The following VWC2 variants were observed in gnomAD, a reference collection of about 807,000 sequenced individuals.
VWC2 encodes the protein brorin.
Under a neutral mutation model 29.8 loss-of-function variants are expected in VWC2, and 14 were observed. That is an observed-to-expected ratio of 0.47 (90% CI 0.31 to 0.74). The LOEUF (loss-of-function observed/expected upper bound fraction) is 0.74. VWC2 is among the 30% of genes least tolerant of loss of function. The probability of loss-of-function intolerance (pLI) is 0.05; values close to 1 mark genes in which losing one functional copy is unlikely to be tolerated. For missense variants in VWC2, 457 were observed against 459.8 expected, an observed-to-expected ratio of 0.99 and a Z score of 0.05; for synonymous variants, 213 against 199.0, an observed-to-expected ratio of 1.07 and a Z score of -0.59.
intron 3 of VWC2, among the ~76,000 whole-genome samples, chr7:49,902,607 T>C (rs1178276919): frequency 6.6e-6 from 1 of 151,006 alleles, no homozygotes; most frequent in East Asian, 1.9e-4. Flanking sequence ...ATGAAAAATT[T>C]ATCTCAGAAT....
chr7:49,826,591 T>C (rs560099084), intron 3 of VWC2, among the ~76,000 whole-genome samples: 1 of 152,316 alleles, frequency 6.6e-6, no homozygotes, highest in African/African-American at 2.4e-5. Context: ...GTCTTAATCA[T>C]TTTTGCTTAA....
At chr7:49,898,467 T>C (rs923239726) in intron 3 of VWC2, among the ~76,000 whole-genome samples, 4 of 152,138 alleles carry the variant, frequency 2.6e-5, no homozygotes, top group Non-Finnish European at 5.9e-5. Context: ...AATCCCTCAA[T>C]ATTTGTTTGT....
At chr7:49,888,163 T>C (rs764416249) in intron 3 of VWC2, among the ~76,000 whole-genome samples, 2 of 152,188 alleles carry the variant, frequency 1.3e-5, no homozygotes, top group Non-Finnish European at 2.9e-5. Context: ...TGGCAATTAT[T>C]TTTTTCTGGA....
intron 3 of VWC2, among the ~76,000 whole-genome samples, chr7:49,888,260 C>T (rs1343765266): frequency 6.6e-6 from 1 of 152,132 alleles, no homozygotes; most frequent in Non-Finnish European, 1.5e-5. Flanking sequence ...AGGTTTAATC[C>T]TGCTCCTAAT....
rs1355691637 is a variant in VWC2, at chr7:49,913,448, A to C, written c.*1263A>C. ...GATGAAAGAGGTAATTGGAGTCTTAATAGGTGTAGGATAAAAAAAGCAAAA... is the reference window on the plus strand; with the variant it reads ...GATGAAAGAGGTAATTGGAGTCTTACTAGGTGTAGGATAAAAAAAGCAAAA... On this transcript the variant is annotated 3_prime_UTR_variant, in exon 4 of 4. Transcript: ENST00000340652. 1 of 152,226 alleles carries C rather than the reference A, an allele frequency of 6.6e-6. No individual in the cohort carries two copies. Among genetic ancestry groups the C allele is most frequent in the African/African-American group, 2.4e-5 (1 of 41,468 alleles). 9.4% of individuals were successfully genotyped at this position (152,226 alleles called of 1,614,324 possible).
chr7:49,787,276 G>A (rs1390141310), intron 2 of VWC2, among the ~76,000 whole-genome samples: 1 of 152,178 alleles, frequency 6.6e-6, no homozygotes, highest in Non-Finnish European at 1.5e-5. Context: ...CCTTCTGTAT[G>A]TATCTTTGCT....
intron 2 of VWC2, among the ~76,000 whole-genome samples, chr7:49,778,438 A>G (rs73347637): frequency 0.021 from 3,165 of 152,350 alleles, 100 homozygotes; most frequent in African/African-American, 0.072. Flanking sequence ...CAAAGTTGTT[A>G]CATATTTTTA....
chr7:49,815,060 TTGTA>T (rs1789104568), intron 3 of VWC2, among the ~76,000 whole-genome samples: 1 of 152,224 alleles, frequency 6.6e-6, no homozygotes, highest in Non-Finnish European at 1.5e-5. Flanking sequence ...GAAAAGTGTG[TTGTA>T]TGTATGTGCA....
intron 3 of VWC2, among the ~76,000 whole-genome samples, chr7:49,804,136 C>T (rs1156901091): frequency 2.0e-5 from 3 of 148,798 alleles, no homozygotes; most frequent in African/African-American, 5.0e-5. Context: ...TAGACAAGAA[C>T]GAGGGGGACT....
rs548787374 is a variant in VWC2 at position 49,919,317 on chromosome 7, A to C, written c.*7132A>C. 1 of 152,292 alleles carries C rather than the reference A, an allele frequency of 6.6e-6. No individual in the cohort carries two copies. Among genetic ancestry groups the C allele is most frequent in the South Asian group, 2.1e-4 (1 of 4,822 alleles). 9.4% of individuals were successfully genotyped at this position (152,292 alleles called of 1,614,324 possible). A position where few individuals can be genotyped will look rare whatever the true frequency, so the allele number is the denominator to read the frequency against. ...GTCAAGGATACCAGCAGATATCCTT[A>C]AACTAATAAAAAAAGCGATGGCATC... On this transcript the variant is annotated 3_prime_UTR_variant, in exon 4 of 4. Coordinates refer to ENST00000340652, the MANE Select transcript of VWC2 (RefSeq NM_198570.5).
At chr7:49,793,844 G>A (rs1788520388) in intron 2 of VWC2, among the ~76,000 whole-genome samples, 4 of 152,196 alleles carry the variant, frequency 2.6e-5, no homozygotes, top group Admixed American at 1.3e-4. Context: ...TCCAAGATCA[G>A]CATCCTGGAC....
At chr7:49,830,037 C>T (rs1434077812) in intron 3 of VWC2, among the ~76,000 whole-genome samples, 1 of 152,140 alleles carries the variant, frequency 6.6e-6, no homozygotes, top group Non-Finnish European at 1.5e-5. Context: ...TACAGATTTT[C>T]TTTTTCATGT....
intron 3 of VWC2, among the ~76,000 whole-genome samples, chr7:49,896,050 G>C (rs1792369400): frequency 6.6e-6 from 1 of 152,118 alleles, no homozygotes; most frequent in Non-Finnish European, 1.5e-5. Context: ...TAATGAAAAA[G>C]AAAGTACAGG....
rs540058483 is a variant in VWC2, at chr7:49,834,851, C to T, written c.826+32011C>T. ...TGTAAATGCTTGTGAGTCAGAAGAC[C>T]TGGAGCCACCCTCTGCATACAGTTG... On this transcript the variant is annotated intron_variant, in intron 3 of 3. Transcript: ENST00000340652. Among the ~76,000 whole-genome samples, 5 of 152,248 alleles carry T rather than the reference C, an allele frequency of 3.3e-5. No homozygotes were observed. In the South Asian group the frequency reaches 1.0e-3, roughly 32 times the overall value.
At chr7:49,808,217 T>TA (rs1368019931) in intron 3 of VWC2, among the ~76,000 whole-genome samples, 1 of 152,108 alleles carries the variant, frequency 6.6e-6, no homozygotes, top group Non-Finnish European at 1.5e-5. Context: ...GAACAATCAC[T>TA]AAGAAAATTA....
intron 3 of VWC2, among the ~76,000 whole-genome samples, chr7:49,905,314 A>G (rs2128738926): frequency 6.6e-6 from 1 of 152,314 alleles, no homozygotes; most frequent in East Asian, 1.9e-4. Context: ...TCACTCAGCC[A>G]TCTCCACCAC....
chr7:49,790,496 C>T (rs954751300), intron 2 of VWC2, among the ~76,000 whole-genome samples: 3 of 152,182 alleles, frequency 2.0e-5, no homozygotes, highest in African/African-American at 7.2e-5. Flanking sequence ...CAGGCAGCAG[C>T]GTCTCTCTGT....
At chr7:49,782,471 G>A (rs1295148423) in intron 2 of VWC2, among the ~76,000 whole-genome samples, 1 of 151,944 alleles carries the variant, frequency 6.6e-6, no homozygotes, top group Admixed American at 6.6e-5. Flanking sequence ...CATCTGAACG[G>A]TGGGGTGAAT....
intron 3 of VWC2, among the ~76,000 whole-genome samples, chr7:49,877,615 T>C (rs1171955759): frequency 6.8e-6 from 1 of 146,410 alleles, no homozygotes; most frequent in Admixed American, 6.8e-5. Flanking sequence ...TGGACCAAAT[T>C]TGGTCTGTAA....
Sources: allele counts gnomAD v4.1 joint callset (sites outside exome capture counted in the v4.1 genomes callset), GRCh38; gene constraint gnomAD v4.1.1; transcripts MANE v1.5; gene names NCBI Gene and HGNC (gene_info 2026-07-23, HGNC 2026-07-21).